Variants in NEGR1 observed in about 807,000 individuals in gnomAD.
NEGR1 encodes the protein neuronal growth regulator 1.
NEGR1 carries 10 observed loss-of-function variants against 40.9 expected under a neutral mutation model. The ratio of observed to expected loss-of-function variants is 0.24; its 90% CI spans 0.15 to 0.42. The LOEUF (loss-of-function observed/expected upper bound fraction) is 0.42, where lower values mean the gene tolerates loss of function less well. Among genes scored for constraint, NEGR1 ranks in the 10% least tolerant of loss-of-function variants. NEGR1 has a pLI of 1.00. For synonymous variants in NEGR1, 185 were observed against 166.8 expected, an observed-to-expected ratio of 1.11 and a Z score of -0.84; for missense variants, 352 against 438.9, an observed-to-expected ratio of 0.80 and a Z score of 1.77.
intron 6 of NEGR1, among the ~76,000 whole-genome samples, chr1:71,415,975 C>T (rs1646352270): frequency 6.6e-6 from 1 of 151,950 alleles, no homozygotes; most frequent in Non-Finnish European, 1.5e-5. Context: ...AATACATTTG[C>T]ACAAAATACG....
intron 3 of NEGR1, among the ~76,000 whole-genome samples, chr1:71,737,439 C>T (rs1194213134): frequency 6.6e-6 from 1 of 150,804 alleles, no homozygotes; most frequent in Admixed American, 6.6e-5. Context: ...AAGATGTAGA[C>T]ATGTTTTTGT....
At chr1:71,656,543 G>A (rs1651883454) in intron 4 of NEGR1, among the ~76,000 whole-genome samples, 1 of 152,104 alleles carries the variant, frequency 6.6e-6, no homozygotes, top group Admixed American at 6.5e-5. Context: ...CTCCCGAGTA[G>A]CTGGGATTAC....
At chr1:71,972,091 A>G (rs551667517) in intron 1 of NEGR1, among the ~76,000 whole-genome samples, 1 of 152,344 alleles carries the variant, frequency 6.6e-6, no homozygotes, top group African/African-American at 2.4e-5. Flanking sequence ...CACTTGGAGT[A>G]GTGATAACAC....
intron 6 of NEGR1, among the ~76,000 whole-genome samples, chr1:71,490,610 T>C (rs2101384550): frequency 6.6e-6 from 1 of 152,126 alleles, no homozygotes; most frequent in Non-Finnish European, 1.5e-5. Flanking sequence ...CAAAAGAGCA[T>C]GTGACTCAGT....
At chr1:72,113,374 G>A (rs1649452371) in intron 1 of NEGR1, among the ~76,000 whole-genome samples, 2 of 151,494 alleles carry the variant, frequency 1.3e-5, no homozygotes, top group Admixed American at 1.3e-4. Flanking sequence ...TTGCACACCT[G>A]AGATTGTATT....
chr1:71,748,846 A>G (rs1335702247), intron 3 of NEGR1, among the ~76,000 whole-genome samples: 1 of 152,190 alleles, frequency 6.6e-6, no homozygotes, highest in Non-Finnish European at 1.5e-5. Flanking sequence ...AAGGACTGTA[A>G]TATGTTTCTT....
At chr1:71,831,448 C>G (rs1353611247) in intron 2 of NEGR1, among the ~76,000 whole-genome samples, 1 of 151,888 alleles carries the variant, frequency 6.6e-6, no homozygotes, top group African/African-American at 2.4e-5. Flanking sequence ...AACTTCTATT[C>G]TGGTTTAGAG....
At chr1:71,688,367 G>GATATAAAAA (rs1491505759) in intron 4 of NEGR1, among the ~76,000 whole-genome samples, 27 of 28,174 alleles carry the variant, frequency 9.6e-4, no homozygotes, top group Non-Finnish European at 1.4e-3. Context: ...ATATATATAT[G>GATATAAAAA]AGATATATAC....
intron 1 of NEGR1, among the ~76,000 whole-genome samples, chr1:72,270,354 C>T (rs1025328198): frequency 2.0e-5 from 3 of 151,938 alleles, no homozygotes; most frequent in Middle Eastern, 3.4e-3. Context: ...TACATAATTC[C>T]GAGCTTTTAT....
intron 3 of NEGR1, among the ~76,000 whole-genome samples, chr1:71,774,002 C>T (rs1461795530): frequency 2.0e-5 from 3 of 152,110 alleles, no homozygotes; most frequent in Admixed American, 6.6e-5. Flanking sequence ...ATGTGTTTTG[C>T]TCTTACAAAA....
intron 3 of NEGR1, among the ~76,000 whole-genome samples, chr1:71,700,604 G>T (rs918455106): frequency 7.2e-5 from 11 of 151,894 alleles, no homozygotes; most frequent in Non-Finnish European, 1.3e-4. Flanking sequence ...ATTGGCACTT[G>T]TATTAGTATT....
chr1:72,270,097 T>C (rs941788129), intron 1 of NEGR1, among the ~76,000 whole-genome samples: 6 of 151,840 alleles, frequency 4.0e-5, no homozygotes, highest in South Asian at 2.1e-4. Context: ...TGGATTGTAA[T>C]TGTGGCTCAG....
intron 4 of NEGR1, 36 bp from the exon 5 acceptor site, chr1:71,611,182 A>G: frequency 6.3e-7 from 1 of 1,582,098 alleles, no homozygotes; most frequent in East Asian, 2.2e-5. Context: ...ACTAGTAGAT[A>G]AGTAAAAATA....
chr1:71,477,740 T>TC, intron 6 of NEGR1, among the ~76,000 whole-genome samples: 2 of 152,188 alleles, frequency 1.3e-5, no homozygotes, highest in Non-Finnish European at 2.9e-5. Context: ...GCCCTTTTGT[T>TC]TGAGGCCTTA....
At chr1:71,501,492 A>G (rs1646999318) in intron 6 of NEGR1, among the ~76,000 whole-genome samples, 1 of 152,162 alleles carries the variant, frequency 6.6e-6, no homozygotes, top group African/African-American at 2.4e-5. Flanking sequence ...TGTTAAATCT[A>G]TGTTCTATAA....
At chr1:71,631,805 A>G (rs1276037423) in intron 4 of NEGR1, among the ~76,000 whole-genome samples, 1 of 151,820 alleles carries the variant, frequency 6.6e-6, no homozygotes, top group African/African-American at 2.4e-5. Context: ...ACAAAAGAGG[A>G]TATGAAAGAC....
At position 71,815,485 on chromosome 1, in the gene NEGR1, T is replaced by G. The variant is rs563404888; in HGVS notation, c.410-39188A>C. Among the ~76,000 whole-genome samples, 4 of 152,224 alleles carry G rather than the reference T, an allele frequency of 2.6e-5. No homozygotes were observed. The East Asian group carries it at 7.8e-4, about 30-fold the overall frequency. ...TTGTTAATTTTCTGTCTCAATTATC[T>G]GTTTAATATTGGCAATAGTGTGTTA... On this transcript the variant is annotated intron_variant, in intron 2 of 6. Coordinates refer to ENST00000357731, the MANE Select transcript of NEGR1 (RefSeq NM_173808.3).
intron 6 of NEGR1, among the ~76,000 whole-genome samples, chr1:71,490,173 T>C (rs1646917147): frequency 1.3e-5 from 2 of 152,006 alleles, no homozygotes; most frequent in African/African-American, 4.8e-5. Flanking sequence ...TTACATTCTT[T>C]TGCGGGATTG....
chr1:71,672,713 T>TA (rs1015342860), intron 4 of NEGR1, among the ~76,000 whole-genome samples: 175 of 151,808 alleles, frequency 1.2e-3, no homozygotes, highest in African/African-American at 4.0e-3. Context: ...TTGACAGACT[T>TA]AAAAAAAATA....
Sources: allele counts gnomAD v4.1 joint callset (sites outside exome capture counted in the v4.1 genomes callset), GRCh38; gene constraint gnomAD v4.1.1; transcripts MANE v1.5; gene names NCBI Gene and HGNC (gene_info 2026-07-23, HGNC 2026-07-21).